The following ZBED6 variants were observed in gnomAD, a reference collection of about 807,000 sequenced individuals.
The protein encoded by ZBED6 is zinc finger BED-type containing 6, also known as zinc finger BED domain-containing protein 6.
Under a neutral mutation model 58.4 loss-of-function variants are expected in ZBED6, and 40 were observed. The ratio of observed to expected loss-of-function variants is 0.68; its 90% CI spans 0.53 to 0.89. The LOEUF is 0.89. Ranked by LOEUF, ZBED6 falls within the 40% of genes least tolerant of loss-of-function variation. The pLI, the probability that ZBED6 is intolerant of heterozygous loss-of-function variation, is 0.00. For missense variants in ZBED6, 1,057 were observed against 1,003.9 expected (o/e 1.05, Z -0.71); for synonymous variants, 439 against 350.6 (o/e 1.25, Z -2.82).
exon 14 of ZBED6, chr1:203,849,869 G>T (rs1428274331): frequency 6.2e-7 from 1 of 1,614,112 alleles, no homozygotes; most frequent in Non-Finnish European, 8.5e-7. Flanking sequence ...AAGTGGCAGA[G>T]AAACCAGTGC....
chr1:203,804,669 C>G lies in ZBED6; in HGVS notation c.*2554+1653C>G, dbSNP rs200898501. Among the ~76,000 whole-genome samples, 3 of 147,488 alleles carry G rather than the reference C, an allele frequency of 2.0e-5. No individual in the cohort carries two copies. The East Asian group carries it at 6.3e-4, about 31-fold the overall frequency. On this transcript the variant is annotated intron_variant, in intron 1 of 16. Coordinates refer to ENST00000550078, the Ensembl canonical transcript of ZBED6. ...GGTTCTGGATTTTTTTCTTTTTTGCCTCATCTTTTTTTTTTTTTTTGATAT... is the reference window on the plus strand; with the variant it reads ...GGTTCTGGATTTTTTTCTTTTTTGCGTCATCTTTTTTTTTTTTTTTGATAT...
intron 15 of ZBED6, 123 bp downstream of exon 15, chr1:203,850,804 AT>A: frequency 7.2e-7 from 1 of 1,382,930 alleles, no homozygotes; most frequent in Non-Finnish European, 9.8e-7. Flanking sequence ...CATTTTAGTA[AT>A]TTGGGTTACT....
At chr1:203,805,725 A>G (rs567796683) in intron 1 of ZBED6, 40 of 663,428 alleles carry the variant, frequency 6.0e-5, no homozygotes, top group Non-Finnish European at 8.4e-5. Flanking sequence ...ATGCTGGCTC[A>G]TCTAAATAGA....
intron 7 of ZBED6, 98 bp downstream of exon 7, chr1:203,830,301 T>A (rs1251797176): frequency 7.7e-6 from 7 of 914,102 alleles, no homozygotes; most frequent in Non-Finnish European, 1.2e-5. Context: ...AAATAGATTT[T>A]CATTTCCATG....
intron 9 of ZBED6, chr1:203,834,095 TA>T: frequency 8.5e-7 from 1 of 1,171,810 alleles, no homozygotes. Flanking sequence ...AACTAGATTT[TA>T]AAAATGGTAA....
At chr1:203,814,435 A>G (rs1196500835) in intron 1 of ZBED6, among the ~76,000 whole-genome samples, 1 of 152,104 alleles carries the variant, frequency 6.6e-6, no homozygotes, top group Non-Finnish European at 1.5e-5. Context: ...GAGGCGGGAG[A>G]ATTGCTTGAA....
intron 10 of ZBED6, among the ~76,000 whole-genome samples, chr1:203,838,717 G>A (rs1011810675): frequency 5.3e-5 from 8 of 152,144 alleles, no homozygotes; most frequent in African/African-American, 1.7e-4. Flanking sequence ...TTGGGAGGCC[G>A]AGGTGGGTGG....
exon 14 of ZBED6, chr1:203,849,809 A>G (rs1572376049): frequency 2.2e-5 from 36 of 1,613,974 alleles, no homozygotes; most frequent in Non-Finnish European, 3.0e-5. Flanking sequence ...AGGAGAGGGA[A>G]AAATCAGTCT....
chr1:203,798,715 AAAC>A (rs1359440607), exon 1 of ZBED6: 34 of 1,536,140 alleles, frequency 2.2e-5, no homozygotes, highest in African/African-American at 4.1e-5. Context: ...CAGGAGAGAG[AAAC>A]AACATGTTGT....
At chr1:203,847,361 C>T in exon 12 of ZBED6, 2 of 1,613,864 alleles carry the variant, frequency 1.2e-6, no homozygotes, top group Non-Finnish European at 1.7e-6. Flanking sequence ...AAAACCTTCT[C>T]TGAGGTCCTG....
At chr1:203,825,076 C>T (rs375079295) in intron 3 of ZBED6, among the ~76,000 whole-genome samples, 1 of 108,988 alleles carries the variant, frequency 9.2e-6, no homozygotes, top group Non-Finnish European at 1.8e-5. Flanking sequence ...GACTCCGTCT[C>T]AAAAAAAAAA....
At chr1:203,844,137 G>GT (rs776952837) in intron 11 of ZBED6, among the ~76,000 whole-genome samples, 5 of 151,948 alleles carry the variant, frequency 3.3e-5, no homozygotes, top group Admixed American at 6.6e-5. Flanking sequence ...GATTACAGGC[G>GT]TGAGCCACTG....
intron 8 of ZBED6, among the ~76,000 whole-genome samples, chr1:203,832,306 C>T (rs1682644910): frequency 6.6e-6 from 1 of 151,844 alleles, no homozygotes; most frequent in African/African-American, 2.4e-5. Context: ...GGTGATCCGC[C>T]CGCCTTGGCC....
Position 203,798,080 on chromosome 1 carries a change from G to A in ZBED6, c.558G>A (p.Arg186=), listed in dbSNP as rs1401224748. The change falls in exon 1 of 17, where the codon AGG becomes AGA. Residue 186 remains arginine (R), a synonymous_variant. Coordinates refer to ENST00000550078, the Ensembl canonical transcript of ZBED6. The stretch of plus-strand genomic sequence containing the variant: ...CAAGGCATTCACCTCATTGGACCAG[G>A]GCCAACAAGTTTGGAGTTGCTAGTG... The A allele has an allele frequency of 7.2e-6, 11 of 1,536,068 alleles. No homozygotes were observed. The Admixed American group carries it at 9.8e-5, about 14-fold the overall frequency.
intron 1 of ZBED6, among the ~76,000 whole-genome samples, chr1:203,816,186 A>G (rs528153912): frequency 1.3e-4 from 20 of 152,344 alleles, no homozygotes; most frequent in South Asian, 6.2e-4. Flanking sequence ...TTTAGATGAA[A>G]CATTCTACTT....
rs79560483 is a variant in ZBED6 at position 203,834,575 on chromosome 1, A to G, written c.*3573+722A>G. ...GCATGAGATACCATGCTTGGCTGCT[A>G]TTTTATTTTTGGGGGAGTACTTTAC... On this transcript the variant is annotated intron_variant, in intron 9 of 16. Transcript: ENST00000550078. 6.2e-3 allele frequency among the ~76,000 whole-genome samples: 942 copies of G among 152,256 alleles called. 36 individuals are homozygous for G. The highest frequency in any genetic ancestry group is 0.044 in the Admixed American group (671 of 15,288).
chr1:203,812,283 A>G (rs1034602206), intron 1 of ZBED6, among the ~76,000 whole-genome samples: 2 of 151,932 alleles, frequency 1.3e-5, no homozygotes, highest in East Asian at 1.9e-4. Flanking sequence ...CCCACCTTCT[A>G]CCTTCTGATA....
At chr1:203,825,005 A>T (rs1315823295) in intron 3 of ZBED6, among the ~76,000 whole-genome samples, 1 of 135,802 alleles carries the variant, frequency 7.4e-6, no homozygotes, top group African/African-American at 2.7e-5. Context: ...TGAACCCTGG[A>T]GGTGGAGGTT....
At chr1:203,805,828 A>C (rs936088937) in intron 1 of ZBED6, 13 of 886,352 alleles carry the variant, frequency 1.5e-5, no homozygotes, top group Non-Finnish European at 2.2e-5. Flanking sequence ...ACTGCGACTC[A>C]GTGCTTCTTG....
Sources: allele counts gnomAD v4.1 joint callset (sites outside exome capture counted in the v4.1 genomes callset), GRCh38; gene constraint gnomAD v4.1.1; transcripts MANE v1.5; gene names NCBI Gene and HGNC (gene_info 2026-07-23, HGNC 2026-07-21).